The following GPR137B variants were observed in gnomAD, a reference collection of about 807,000 sequenced individuals.
GPR137B encodes G protein-coupled receptor 137B, also known as integral membrane protein GPR137B.
A neutral mutation model predicts 42.5 loss-of-function variants in GPR137B; 42 were observed. The observed-to-expected ratio is 0.99, with a 90% CI of 0.77 to 1.28. The LOEUF is 1.28. GPR137B is among the 50% of genes most tolerant of loss of function. The pLI, the probability that GPR137B is intolerant of heterozygous loss-of-function variation, is 0.00. For synonymous variants in GPR137B, 218 were observed against 209.7 expected (o/e 1.04, Z -0.34); for missense variants, 487 against 493.9 (o/e 0.99, Z 0.13).
At chr1:236,157,233 T>TTC in intron 1 of GPR137B, among the ~76,000 whole-genome samples, 1 of 151,694 alleles carries the variant, frequency 6.6e-6, no homozygotes, top group East Asian at 1.9e-4. Flanking sequence ...ACACTTTTTT[T>TTC]TTTTTTTTTG....
In GPR137B at chr1:236,190,299, T is replaced by A. The variant is rs987588677; in HGVS notation, c.966+6393T>A. ...ACTCTTTATCCAATTTGCCAGTCTGTGTCTTTTAATGGGGGCATTTAGCCC... is the reference window on the plus strand; with the variant it reads ...ACTCTTTATCCAATTTGCCAGTCTGAGTCTTTTAATGGGGGCATTTAGCCC... On this transcript the variant is annotated intron_variant, in intron 5 of 6. Coordinates refer to ENST00000366592, the MANE Select transcript of GPR137B (RefSeq NM_003272.4). 3.3e-5 allele frequency among the ~76,000 whole-genome samples: 5 copies of A among 152,176 alleles called. No homozygotes were observed. The South Asian group carries it at 1.0e-3, about 31-fold the overall frequency.
intron 1 of GPR137B, among the ~76,000 whole-genome samples, chr1:236,146,157 C>T (rs1249163222): frequency 6.6e-6 from 1 of 152,126 alleles, no homozygotes; most frequent in Non-Finnish European, 1.5e-5. Flanking sequence ...CGCGCCTGGC[C>T]ATGAAACCTC....
At chr1:236,167,577 C>T (rs74150309) in intron 1 of GPR137B, among the ~76,000 whole-genome samples, 1 of 152,108 alleles carries the variant, frequency 6.6e-6, no homozygotes, top group Non-Finnish European at 1.5e-5. Context: ...CCGGAATGGG[C>T]GTCTTCAGAT....
intron 2 of GPR137B, among the ~76,000 whole-genome samples, chr1:236,169,230 AG>A (rs1265130018): frequency 6.9e-6 from 1 of 144,490 alleles, no homozygotes; most frequent in Non-Finnish European, 1.5e-5. Flanking sequence ...GTACAGGTAC[AG>A]GTGCAGGTGC....
At chr1:236,168,090 C>A (rs1424813124) in intron 1 of GPR137B, among the ~76,000 whole-genome samples, 1 of 152,014 alleles carries the variant, frequency 6.6e-6, no homozygotes, top group Non-Finnish European at 1.5e-5. Flanking sequence ...TTGGTGCCAG[C>A]AAAAATTCTA....
At chr1:236,192,063 T>G (rs1219317779) in intron 5 of GPR137B, among the ~76,000 whole-genome samples, 1 of 152,204 alleles carries the variant, frequency 6.6e-6, no homozygotes, top group African/African-American at 2.4e-5. Flanking sequence ...ACAGTGGCCT[T>G]GCTGAGCTGC....
rs1323624950 is a variant in GPR137B at position 236,178,481 on chromosome 1, G to A, written c.532G>A (p.Val178Met). Residue 178 changes from valine (V) to methionine (M), a missense_variant, in exon 3 of 7, where the codon GTG (valine) becomes ATG (methionine). Transcript: ENST00000366592. ...CCTGTTGGTGAATTTAACCTGTGCT[G>A]TGCTGGTAAAGACGGGAAATTGGGA... The part of the protein sequence containing the change: ...VFLLVNLTCA[V>M]LVKTGNWERK... 6.2e-7 allele frequency: 1 copy of A among 1,613,978 alleles called. No individual in the cohort carries two copies. The highest frequency in any genetic ancestry group is 2.2e-5 in the East Asian group (1 of 44,872).
Position 236,142,907 on chromosome 1 carries a change from C to T in GPR137B, c.285C>T (p.Leu95=). The T allele has an allele frequency of 1.2e-6, 2 of 1,614,252 alleles. No individual in the cohort carries two copies. The highest frequency in any genetic ancestry group is 8.5e-7 in the Non-Finnish European group (1 of 1,180,042). ...TCTGGGCCTCCCTGCGGACCGTCCTCTTCTCCTTCTACTTCAAAGACTTCG... is the reference window on the plus strand; with the variant it reads ...TCTGGGCCTCCCTGCGGACCGTCCTTTTCTCCTTCTACTTCAAAGACTTCG... ...CLFWASLRTV[L]FSFYFKDFVA... Residue 95 remains leucine (L), a synonymous_variant, in exon 1 of 7, where the codon CTC becomes CTT. Transcript: ENST00000366592.
intron 2 of GPR137B, among the ~76,000 whole-genome samples, chr1:236,176,007 T>G (rs1662674736): frequency 6.6e-6 from 1 of 152,066 alleles, no homozygotes. Context: ...CATGAAAACA[T>G]GAAGCAAAGA....
chr1:236,169,295 G>T (rs1053086915), intron 2 of GPR137B, among the ~76,000 whole-genome samples: 3 of 152,080 alleles, frequency 2.0e-5, no homozygotes, highest in African/African-American at 7.3e-5. Context: ...CCACCTGGTG[G>T]CCTTACCCGC....
At chr1:236,172,012 C>T (rs187933203) in intron 2 of GPR137B, among the ~76,000 whole-genome samples, 1 of 148,342 alleles carries the variant, frequency 6.7e-6, no homozygotes, top group Non-Finnish European at 1.5e-5. Context: ...GCACTCCAGC[C>T]TGGGCAACAA....
chr1:236,162,892 A>C (rs905771541), intron 1 of GPR137B, among the ~76,000 whole-genome samples: 2 of 152,246 alleles, frequency 1.3e-5, no homozygotes, highest in African/African-American at 4.8e-5. Flanking sequence ...GAGCCCCCAC[A>C]CAGAGTCCCT....
intron 5 of GPR137B, among the ~76,000 whole-genome samples, chr1:236,191,558 G>A (rs1663193579): frequency 6.6e-6 from 1 of 152,176 alleles, no homozygotes; most frequent in African/African-American, 2.4e-5. Context: ...CTGTTTGTTA[G>A]TTTTCCTTCT....
intron 2 of GPR137B, among the ~76,000 whole-genome samples, chr1:236,169,620 C>A (rs6682362): frequency 0.019 from 2,886 of 152,142 alleles, 83 homozygotes; most frequent in African/African-American, 0.065. Flanking sequence ...AGAGTGTAAT[C>A]TGGAAGGGAA....
intron 5 of GPR137B, among the ~76,000 whole-genome samples, chr1:236,186,341 AT>A (rs1558491555): frequency 9.1e-6 from 1 of 109,706 alleles, no homozygotes; most frequent in Non-Finnish European, 1.7e-5. Flanking sequence ...AATTATATAT[AT>A]TATATAATAT....
At chr1:236,187,181 G>A (rs1326747324) in intron 5 of GPR137B, among the ~76,000 whole-genome samples, 2 of 152,138 alleles carry the variant, frequency 1.3e-5, no homozygotes, top group African/African-American at 4.8e-5. Context: ...CTTTTTGATG[G>A]GGTTGTTTTT....
intron 5 of GPR137B, among the ~76,000 whole-genome samples, chr1:236,194,387 G>A (rs938080136): frequency 5.9e-5 from 9 of 151,988 alleles, no homozygotes; most frequent in African/African-American, 1.9e-4. Flanking sequence ...TCTTTTGCGC[G>A]TGGCTCATAG....
chr1:236,159,956 A>T (rs1263034654), intron 1 of GPR137B, among the ~76,000 whole-genome samples: 5 of 152,102 alleles, frequency 3.3e-5, no homozygotes, highest in Admixed American at 2.6e-4. Context: ...CCAGCTGGGG[A>T]CATCTCCCAG....
chr1:236,162,858 G>A (rs1662238425), intron 1 of GPR137B, among the ~76,000 whole-genome samples: 1 of 152,260 alleles, frequency 6.6e-6, no homozygotes, highest in Admixed American at 6.5e-5. Flanking sequence ...TGCTAGGGCA[G>A]TGCAGAAGGG....
Sources: gnomAD v4.1 joint callset for allele counts (sites outside exome capture counted in the v4.1 genomes callset) on GRCh38, gnomAD v4.1.1 for gene constraint, MANE v1.5 for transcripts, NCBI Gene and HGNC (gene_info 2026-07-23, HGNC 2026-07-21) for gene names.